Variants in BRI3BP observed in about 807,000 individuals in gnomAD.
The protein encoded by BRI3BP is BRI3 binding protein, also known as BRI3-binding protein.
A neutral mutation model predicts 15.8 loss-of-function variants in BRI3BP; 7 were observed. That is an observed-to-expected ratio of 0.44 (90% CI 0.25 to 0.83). BRI3BP has a LOEUF of 0.83. Among genes scored for constraint, BRI3BP ranks in the 40% least tolerant of loss-of-function variants. The pLI, the probability that BRI3BP is intolerant of heterozygous loss-of-function variation, is 0.20. For missense variants in BRI3BP, 320 were observed against 339.3 expected (o/e 0.94, Z 0.45); for synonymous variants, 192 against 163.5 (o/e 1.17, Z -1.33).
At chr12:125,049,737 C>T in the BRI3BP span, among the ~76,000 whole-genome samples, 1 of 152,226 alleles carries the variant, frequency 6.6e-6, no homozygotes, top group African/African-American at 2.4e-5. Flanking sequence ...GGCGCTCAGG[C>T]CGATCTTCCA....
intron 1 of BRI3BP, among the ~76,000 whole-genome samples, chr12:124,994,697 T>A (rs1374607646): frequency 1.3e-5 from 2 of 152,060 alleles, no homozygotes; most frequent in Non-Finnish European, 2.9e-5. Context: ...TGGAGCTAGG[T>A]GCGATAGGGG....
the BRI3BP span, among the ~76,000 whole-genome samples, chr12:125,044,070 G>A: frequency 6.6e-6 from 1 of 151,680 alleles, no homozygotes; most frequent in South Asian, 2.1e-4. Context: ...CAACAGGCAA[G>A]TTTACAAGTC....
At chr12:125,024,615 C>G (rs1451252061) in intron 2 of BRI3BP, among the ~76,000 whole-genome samples, 2 of 152,076 alleles carry the variant, frequency 1.3e-5, no homozygotes, top group Admixed American at 1.3e-4. Flanking sequence ...GCCTGATTAA[C>G]ATGGAGAAAC....
chr12:125,008,472 A>G (rs11057980), intron 1 of BRI3BP, among the ~76,000 whole-genome samples: 2 of 151,450 alleles, frequency 1.3e-5, no homozygotes, highest in Non-Finnish European at 1.5e-5. Context: ...ACCACCACGC[A>G]TGGCTAATTT....
In BRI3BP at chr12:125,026,114, C is replaced by G. The variant is rs1955352896; in HGVS notation, c.*684C>G. The G allele has an allele frequency of 6.6e-6, 1 of 152,148 alleles. No individual in the cohort carries two copies. The highest frequency in any genetic ancestry group is 1.5e-5 in the Non-Finnish European group (1 of 68,038). The allele number at this position is 152,148 out of a possible 1,614,324, so 9.4% of individuals were successfully genotyped here. On this transcript the variant is annotated 3_prime_UTR_variant, in exon 3 of 3. Transcript: ENST00000341446. ...TGAAGACATCGCCATTTCTAGAAGA[C>G]CTGAGATTTTCTTCCCTCTGTGCTT...
Position 125,030,489 on chromosome 12 carries a change from T to G in BRI3BP, c.*5059T>G. ...AGTATCTGGTGTAAACAAATTTTAT[T>G]CAGCATATTAAATTATTCTGTGTTT... On this transcript the variant is annotated 3_prime_UTR_variant, in exon 3 of 3. Transcript: ENST00000341446. 1 of 152,220 alleles carries G rather than the reference T, an allele frequency of 6.6e-6. No homozygotes were observed. The highest frequency in any genetic ancestry group is 1.9e-4 in the East Asian group (1 of 5,204). The allele number at this position is 152,220 out of a possible 1,614,324, so 9.4% of individuals were successfully genotyped here. A position where few individuals can be genotyped will look rare whatever the true frequency, so the allele number is the denominator to read the frequency against.
At chr12:125,011,043 G>A (rs1164686166) in intron 1 of BRI3BP, among the ~76,000 whole-genome samples, 3 of 144,546 alleles carry the variant, frequency 2.1e-5, no homozygotes, top group Admixed American at 7.3e-5. Context: ...GCAGTGAGCC[G>A]AGATCATACC....
At chr12:125,009,283 C>CTTTTTTTTTTTT (rs1217778458) in intron 1 of BRI3BP, among the ~76,000 whole-genome samples, 2 of 66,580 alleles carry the variant, frequency 3.0e-5, no homozygotes, top group African/African-American at 5.7e-5. Flanking sequence ...ACCCAGCCAT[C>CTTTTTTTTTTTT]TTTTTTTTTT....
chr12:124,994,293 C>A (rs1475779385), intron 1 of BRI3BP, among the ~76,000 whole-genome samples: 1 of 152,026 alleles, frequency 6.6e-6, no homozygotes, highest in Non-Finnish European at 1.5e-5. Context: ...TGCGCTGACG[C>A]CTGCCGCGCG....
Position 124,993,823 on chromosome 12 carries a change from C to T in BRI3BP, c.33C>T (p.Ala11=), listed in dbSNP as rs1319904086. 1.6e-5 allele frequency: 18 copies of T among 1,132,098 alleles called. No individual in the cohort carries two copies. The highest frequency in any genetic ancestry group is 1.8e-5 in the Non-Finnish European group (17 of 928,476). The allele number at this position is 1,132,098 out of a possible 1,614,324, so 70.1% of individuals were successfully genotyped here. The change falls in exon 1 of 3, where the codon GCC becomes GCT. Residue 11 remains alanine, a synonymous_variant. Coordinates refer to ENST00000341446, the MANE Select transcript of BRI3BP (RefSeq NM_080626.6). MGARASGGPL[A]RAGLLLLLLL... is the part of the protein sequence containing the mutation. ...CGCGCGCCTCAGGCGGGCCCCTGGC[C>T]CGGGCCGGGCTCCTGCTGCTGCTGC...
At chr12:125,006,833 C>T (rs774952144) in intron 1 of BRI3BP, among the ~76,000 whole-genome samples, 1 of 152,204 alleles carries the variant, frequency 6.6e-6, no homozygotes, top group Admixed American at 6.5e-5. Context: ...CACTTGGTGG[C>T]ATTTTAAAGG....
At position 125,025,448 on chromosome 12, in the gene BRI3BP, G is replaced by T; in HGVS notation, c.*18G>T. On this transcript the variant is annotated 3_prime_UTR_variant, in exon 3 of 3. Coordinates refer to ENST00000341446, the MANE Select transcript of BRI3BP (RefSeq NM_080626.6). ...ACAAGTGAAGGTCAGCCGGCCGGGC[G>T]GGTCCACAGTTACCAGCACGCTGTC... 1 of 1,557,594 alleles carries T rather than the reference G, an allele frequency of 6.4e-7. No individual in the cohort carries two copies. Among genetic ancestry groups the T allele is most frequent in the Non-Finnish European group, 8.7e-7 (1 of 1,150,162 alleles).
At position 125,027,557 on chromosome 12, in the gene BRI3BP, C is replaced by T. The variant is rs1051129866; in HGVS notation, c.*2127C>T. The T allele has an allele frequency of 7.2e-5, 11 of 152,162 alleles. No individual in the cohort carries two copies. Among genetic ancestry groups the T allele is most frequent in the Admixed American group, 5.2e-4 (8 of 15,272 alleles). The allele number at this position is 152,162 out of a possible 1,614,324, so 9.4% of individuals were successfully genotyped here. ...TGGTGGTGGGCGCCTGTGATCCCAG[C>T]TACTTGGGAGGCTGAGGCTGGAGAA... On this transcript the variant is annotated 3_prime_UTR_variant, in exon 3 of 3. Transcript: ENST00000341446.
chr12:125,038,993 G>A, the BRI3BP span, among the ~76,000 whole-genome samples: 40 of 152,202 alleles, frequency 2.6e-4, no homozygotes, highest in Middle Eastern at 6.8e-3. Flanking sequence ...GGGAGGCTGA[G>A]GCAGAAGAAT....
At chr12:125,017,978 C>G (rs1955261862) in intron 2 of BRI3BP, among the ~76,000 whole-genome samples, 2 of 152,242 alleles carry the variant, frequency 1.3e-5, no homozygotes, top group Non-Finnish European at 2.9e-5. Flanking sequence ...GTCATGAGGA[C>G]TGGATGACTG....
intron 2 of BRI3BP, among the ~76,000 whole-genome samples, chr12:125,017,367 G>A (rs1332458320): frequency 6.6e-6 from 1 of 151,716 alleles, no homozygotes; most frequent in African/African-American, 2.4e-5. Context: ...GTTGCCCAGG[G>A]TGGTCTCGAA....
rs553275358 is a variant in BRI3BP, at chr12:125,030,035, G to A, written c.*4605G>A. ...GCCCTGTGATTCAGGCTTATGGAGC[G>A]TTAAGAATAACAGCTGTCAAATGGC... On this transcript the variant is annotated 3_prime_UTR_variant, in exon 3 of 3. Transcript: ENST00000341446. The A allele has an allele frequency of 7.2e-5, 11 of 152,324 alleles. No homozygotes were observed. Among genetic ancestry groups the A allele is most frequent in the Admixed American group, 5.9e-4 (9 of 15,296 alleles). 9.4% of individuals were successfully genotyped at this position (152,324 alleles called of 1,614,324 possible).
chr12:125,007,108 A>T (rs1031674895), intron 1 of BRI3BP, among the ~76,000 whole-genome samples: 5 of 151,906 alleles, frequency 3.3e-5, no homozygotes, highest in African/African-American at 1.2e-4. Context: ...CTGAGGCAGG[A>T]GAATTGCTTG....
At position 125,025,798 on chromosome 12, in the gene BRI3BP, C is replaced by A; in HGVS notation, c.*368C>A. On this transcript the variant is annotated 3_prime_UTR_variant, in exon 3 of 3. Transcript: ENST00000341446. ...GTTTTTTAATAAAGGCAGATTGAGT[C>A]AAGTTTATTAAAACTTTACATGGAG... is the stretch of plus-strand genomic sequence containing the variant. 4 of 169,884 alleles carry A rather than the reference C, an allele frequency of 2.4e-5. No individual in the cohort carries two copies. The highest frequency in any genetic ancestry group is 6.2e-5 in the Admixed American group (1 of 16,184). The allele number at this position is 169,884 out of a possible 1,614,324, so 10.5% of individuals were successfully genotyped here.
Sources: gnomAD v4.1 joint callset for allele counts (sites outside exome capture counted in the v4.1 genomes callset) on GRCh38, gnomAD v4.1.1 for gene constraint, MANE v1.5 for transcripts, NCBI Gene and HGNC (gene_info 2026-07-23, HGNC 2026-07-21) for gene names.